Variants in SLC31A1 observed in about 807,000 individuals in gnomAD.
The protein encoded by SLC31A1 is high affinity copper uptake protein 1.
A neutral mutation model predicts 17.2 loss-of-function variants in SLC31A1; 5 were observed. The ratio of observed to expected loss-of-function variants is 0.29; its 90% CI spans 0.15 to 0.61. The LOEUF (loss-of-function observed/expected upper bound fraction) is 0.61, where lower values mean the gene tolerates loss of function less well. SLC31A1 is among the 20% of genes least tolerant of loss of function. The pLI is 0.86. For synonymous variants in SLC31A1, 76 were observed against 78.8 expected (o/e 0.96, Z 0.19); for missense variants, 161 against 241.4 (o/e 0.67, Z 2.21).
At chr9:113,233,021 G>A (rs1484262853) in intron 1 of SLC31A1, among the ~76,000 whole-genome samples, 2 of 152,214 alleles carry the variant, frequency 1.3e-5, no homozygotes, top group Non-Finnish European at 2.9e-5. Flanking sequence ...TTAAGTAAGT[G>A]TTTAAGTGTA....
rs946538120 is a variant in SLC31A1 at position 113,262,626 on chromosome 9, T to G, written c.*2153T>G. The G allele has an allele frequency of 3.3e-5, 5 of 152,610 alleles. No individual in the cohort carries two copies. The highest frequency in any genetic ancestry group is 9.6e-5 in the African/African-American group (4 of 41,458). 9.5% of individuals were successfully genotyped at this position (152,610 alleles called of 1,614,324 possible). A position where few individuals can be genotyped will look rare whatever the true frequency, so the allele number is the denominator to read the frequency against. Reference sequence around the variant, plus strand: ...AGGTTAAAATCCAAGAACCAACATTTAGAGCTTTGTGCTTTTCTCTCATTC... The same window carrying G: ...AGGTTAAAATCCAAGAACCAACATTGAGAGCTTTGTGCTTTTCTCTCATTC... On this transcript the variant is annotated 3_prime_UTR_variant, in exon 5 of 5. Transcript: ENST00000374212.
chr9:113,238,119 ATGTTTC>A (rs1401486728), intron 1 of SLC31A1, among the ~76,000 whole-genome samples: 1 of 152,188 alleles, frequency 6.6e-6, no homozygotes, highest in Non-Finnish European at 1.5e-5. Flanking sequence ...TGTTATCTCC[ATGTTTC>A]CATGAGTTTC....
In SLC31A1 at chr9:113,261,617, A is replaced by C. The variant is rs906401410; in HGVS notation, c.*1144A>C. ...GAGAGTTTGAATTAATTTTTCCATT[A>C]TAATGTTTTCGCATGTCTGCCTCTA... On this transcript the variant is annotated 3_prime_UTR_variant, in exon 5 of 5. Transcript: ENST00000374212. 1.3e-5 allele frequency: 2 copies of C among 152,722 alleles called. No homozygotes were observed. Among genetic ancestry groups the C allele is most frequent in the African/African-American group, 4.8e-5 (2 of 41,590 alleles). 9.5% of individuals were successfully genotyped at this position (152,722 alleles called of 1,614,324 possible).
Position 113,260,931 on chromosome 9 carries a change from C to T in SLC31A1, c.*458C>T. The T allele has an allele frequency of 3.5e-6, 1 of 284,614 alleles. No homozygotes were observed. Among genetic ancestry groups the T allele is most frequent in the Non-Finnish European group, 6.8e-6 (1 of 146,304 alleles). The allele number at this position is 284,614 out of a possible 1,614,324, so 17.6% of individuals were successfully genotyped here. On this transcript the variant is annotated 3_prime_UTR_variant, in exon 5 of 5. Coordinates refer to ENST00000374212, the MANE Select transcript of SLC31A1 (RefSeq NM_001859.4). ...TGATGGCAGCTGAGGGAAATTCTTG[C>T]CCAACTAAACCCAGAACTCAAACTT...
intron 1 of SLC31A1, among the ~76,000 whole-genome samples, chr9:113,254,553 C>A (rs754260981): frequency 2.6e-5 from 4 of 152,118 alleles, no homozygotes; most frequent in African/African-American, 9.7e-5. Flanking sequence ...AACACCTCCC[C>A]CTCCACACAC....
intron 3 of SLC31A1, 103 bp downstream of exon 3, chr9:113,257,288 A>G: frequency 1.0e-6 from 1 of 982,382 alleles, no homozygotes; most frequent in Non-Finnish European, 1.6e-6. Flanking sequence ...TTACTAAGTC[A>G]ACATGGTAAT....
intron 1 of SLC31A1, among the ~76,000 whole-genome samples, chr9:113,223,911 G>A (rs553531075): frequency 6.6e-6 from 1 of 152,342 alleles, no homozygotes; most frequent in Admixed American, 6.5e-5. Context: ...CGTTCACTCA[G>A]TCACTGAAAG....
chr9:113,231,807 T>A (rs533299065), intron 1 of SLC31A1, among the ~76,000 whole-genome samples: 5 of 152,330 alleles, frequency 3.3e-5, no homozygotes, highest in Admixed American at 2.0e-4. Context: ...GATTTTTTTT[T>A]ATTTTAGATT....
At chr9:113,255,971 C>G (rs1254000578) in intron 1 of SLC31A1, 143 bp from the exon 2 acceptor site, 2 of 573,416 alleles carry the variant, frequency 3.5e-6, no homozygotes, top group Non-Finnish European at 5.8e-6. Flanking sequence ...AACTCCTGTA[C>G]TGATCAGTAG....
intron 1 of SLC31A1, chr9:113,227,317 A>G (rs556866070): frequency 8.5e-5 from 13 of 152,062 alleles, no homozygotes; most frequent in Non-Finnish European, 1.5e-4. Flanking sequence ...CAGGAGCACA[A>G]TCTCAGCTCA....
intron 1 of SLC31A1, among the ~76,000 whole-genome samples, chr9:113,237,007 A>T (rs1241636032): frequency 6.6e-6 from 1 of 152,262 alleles, no homozygotes; most frequent in East Asian, 1.9e-4. Flanking sequence ...TTAAAGGAGT[A>T]GAATAAATGG....
chr9:113,241,678 G>A (rs969197813), intron 1 of SLC31A1, among the ~76,000 whole-genome samples: 14 of 152,154 alleles, frequency 9.2e-5, no homozygotes, highest in African/African-American at 3.4e-4. Flanking sequence ...TTTGCAGACC[G>A]AATTGTTTGG....
intron 3 of SLC31A1, among the ~76,000 whole-genome samples, chr9:113,257,478 A>ATTTTT (rs532189321): frequency 7.9e-5 from 8 of 101,166 alleles, no homozygotes; most frequent in Non-Finnish European, 1.1e-4. Context: ...AGAGTGTTTA[A>ATTTTT]TTTTTTTTTT....
At chr9:113,233,314 C>A (rs1831420753) in intron 1 of SLC31A1, among the ~76,000 whole-genome samples, 1 of 152,184 alleles carries the variant, frequency 6.6e-6, no homozygotes, top group African/African-American at 2.4e-5. Context: ...GGGGAAATAT[C>A]TTTTCTACCC....
chr9:113,257,478 ATTTTTTTT>A (rs532189321), intron 3 of SLC31A1, among the ~76,000 whole-genome samples: 3 of 101,186 alleles, frequency 3.0e-5, no homozygotes, highest in East Asian at 2.9e-4. Flanking sequence ...AGAGTGTTTA[ATTTTTTTT>A]TTTTTTTTTT....
At chr9:113,228,664 G>C (rs1376987544) in intron 1 of SLC31A1, among the ~76,000 whole-genome samples, 1 of 152,214 alleles carries the variant, frequency 6.6e-6, no homozygotes, top group Non-Finnish European at 1.5e-5. Context: ...ATCCTGCTTA[G>C]CTGCTTCCCA....
At chr9:113,245,075 C>T (rs546455716) in intron 1 of SLC31A1, among the ~76,000 whole-genome samples, 87 of 152,120 alleles carry the variant, frequency 5.7e-4, no homozygotes, top group African/African-American at 1.9e-3. Flanking sequence ...TCAAGGCTAC[C>T]CTTTATAAGA....
chr9:113,239,619 G>A (rs769554712), intron 1 of SLC31A1, among the ~76,000 whole-genome samples: 48 of 152,254 alleles, frequency 3.2e-4, no homozygotes, highest in Middle Eastern at 3.4e-3. Context: ...GTCTCGCTCT[G>A]TCACCCAGGC....
chr9:113,253,017 G>A (rs1487345781), intron 1 of SLC31A1, among the ~76,000 whole-genome samples: 5 of 147,056 alleles, frequency 3.4e-5, no homozygotes, highest in Non-Finnish European at 7.4e-5. Context: ...GCAGTGGCGC[G>A]GTCTCGCTTT....
Sources: allele counts gnomAD v4.1 joint callset (sites outside exome capture counted in the v4.1 genomes callset), GRCh38; gene constraint gnomAD v4.1.1; transcripts MANE v1.5; gene names NCBI Gene and HGNC (gene_info 2026-07-23, HGNC 2026-07-21).